Variants in PPFIA2 observed in about 807,000 individuals in gnomAD.
The protein encoded by PPFIA2 is PPFI scaffold protein A2.
A neutral mutation model predicts 175.5 loss-of-function variants in PPFIA2; 46 were observed. That is an observed-to-expected ratio of 0.26 (90% CI 0.21 to 0.34). The LOEUF is 0.34. Among genes scored for constraint, PPFIA2 ranks in the 10% least tolerant of loss-of-function variants. PPFIA2 has a pLI of 1.00. For missense variants in PPFIA2, 1,179 were observed against 1,506.1 expected (o/e 0.78, Z 3.60); for synonymous variants, 568 against 511.4 (o/e 1.11, Z -1.49).
intron 7 of PPFIA2, among the ~76,000 whole-genome samples, chr12:81,428,199 C>A (rs546407513): frequency 6.6e-6 from 1 of 151,912 alleles, no homozygotes; most frequent in South Asian, 2.1e-4. Context: ...CCACATGCAA[C>A]AATAGAACTA....
chr12:81,624,951 C>T (rs1321079050), intron 4 of PPFIA2, among the ~76,000 whole-genome samples: 1 of 151,542 alleles, frequency 6.6e-6, no homozygotes, highest in African/African-American at 2.4e-5. Flanking sequence ...TAACAAAAAT[C>T]CACTTGCACC....
At chr12:81,334,204 T>A (rs1376688929) in intron 21 of PPFIA2, among the ~76,000 whole-genome samples, 1 of 152,210 alleles carries the variant, frequency 6.6e-6, no homozygotes, top group Admixed American at 6.6e-5. Context: ...ATCTTAGGGT[T>A]CATAGCCACT....
chr12:81,512,662 T>C (rs1260797545), intron 4 of PPFIA2, among the ~76,000 whole-genome samples: 1 of 151,998 alleles, frequency 6.6e-6, no homozygotes. Context: ...GTATACTCAA[T>C]ATGTAGTCTT....
At chr12:81,536,094 T>A (rs1594649355) in intron 4 of PPFIA2, among the ~76,000 whole-genome samples, 1 of 151,764 alleles carries the variant, frequency 6.6e-6, no homozygotes, top group South Asian at 2.1e-4. Flanking sequence ...GTTATAAATA[T>A]AGTCAGCATC....
chr12:81,485,198 A>C (rs1342515671), intron 4 of PPFIA2, among the ~76,000 whole-genome samples: 1 of 151,852 alleles, frequency 6.6e-6, no homozygotes, highest in African/African-American at 2.4e-5. Flanking sequence ...ACTTCCATAA[A>C]TGTGAACCCA....
chr12:81,752,047 G>T (rs1394507130), intron 3 of PPFIA2, among the ~76,000 whole-genome samples: 1 of 152,184 alleles, frequency 6.6e-6, no homozygotes, highest in Non-Finnish European at 1.5e-5. Flanking sequence ...AGGGATTCAT[G>T]CAGTCTTACA....
chr12:81,559,274 A>G (rs562996241), intron 4 of PPFIA2, among the ~76,000 whole-genome samples: 1 of 152,328 alleles, frequency 6.6e-6, no homozygotes, highest in African/African-American at 2.4e-5. Flanking sequence ...GTGTGGTAGA[A>G]ACAGCGTGTG....
intron 24 of PPFIA2, among the ~76,000 whole-genome samples, chr12:81,289,711 T>C (rs1002476603): frequency 2.0e-5 from 3 of 151,874 alleles, no homozygotes; most frequent in African/African-American, 7.2e-5. Context: ...AAAAGGATAA[T>C]GTGGAACTCC....
chr12:81,526,383 G>A (rs1311308317), intron 4 of PPFIA2, among the ~76,000 whole-genome samples: 2 of 152,238 alleles, frequency 1.3e-5, no homozygotes, highest in East Asian at 3.9e-4. Context: ...TGAAGAGCAG[G>A]GAAACACAAT....
intron 3 of PPFIA2, among the ~76,000 whole-genome samples, chr12:81,734,073 C>A (rs1468936992): frequency 1.3e-5 from 2 of 151,792 alleles, no homozygotes; most frequent in African/African-American, 4.8e-5. Flanking sequence ...GCACCTGTCC[C>A]AGATAATCAT....
intron 4 of PPFIA2, among the ~76,000 whole-genome samples, chr12:81,625,780 A>G (rs1044464971): frequency 2.0e-5 from 3 of 149,740 alleles, no homozygotes; most frequent in African/African-American, 7.3e-5. Flanking sequence ...ACATTATTAT[A>G]ATTTCCTGAT....
chr12:81,642,677 A>G (rs1264245628), intron 4 of PPFIA2, among the ~76,000 whole-genome samples: 1 of 108,158 alleles, frequency 9.2e-6, no homozygotes, highest in Non-Finnish European at 2.1e-5. Flanking sequence ...ACATACATGT[A>G]TGTATCTATT....
At chr12:81,679,582 G>T (rs1470741658) in intron 3 of PPFIA2, among the ~76,000 whole-genome samples, 1 of 151,822 alleles carries the variant, frequency 6.6e-6, no homozygotes, top group African/African-American at 2.4e-5. Flanking sequence ...AATGAAAAGG[G>T]CAATAAATTT....
chr12:81,368,885 C>A (rs1402132705), intron 12 of PPFIA2, 29 bp from the exon 13 acceptor site: 2 of 1,590,076 alleles, frequency 1.3e-6, no homozygotes, highest in African/African-American at 2.7e-5. Context: ...ACATAAAAAT[C>A]CATTCAAAAA....
intron 3 of PPFIA2, among the ~76,000 whole-genome samples, chr12:81,732,977 G>T (rs1254384340): frequency 6.6e-6 from 1 of 151,524 alleles, no homozygotes; most frequent in African/African-American, 2.4e-5. Flanking sequence ...TATAAACTGT[G>T]TTGAAAATTA....
At chr12:81,698,863 T>C (rs756305692) in intron 3 of PPFIA2, among the ~76,000 whole-genome samples, 1 of 152,110 alleles carries the variant, frequency 6.6e-6, no homozygotes, top group Non-Finnish European at 1.5e-5. Context: ...GTAGACTGTA[T>C]ATGAGTTATC....
chr12:81,611,551 G>A (rs1018407124), intron 4 of PPFIA2, among the ~76,000 whole-genome samples: 10 of 152,140 alleles, frequency 6.6e-5, no homozygotes, highest in Admixed American at 3.9e-4. Context: ...TGGAGGCTGT[G>A]GGGTGCACCC....
intron 4 of PPFIA2, among the ~76,000 whole-genome samples, chr12:81,668,486 C>A (rs1052352087): frequency 2.6e-5 from 4 of 152,088 alleles, no homozygotes; most frequent in Non-Finnish European, 5.9e-5. Flanking sequence ...TACCTTACAT[C>A]TAACCCATGG....
chr12:81,577,265 T>G (rs1237554581), intron 4 of PPFIA2, among the ~76,000 whole-genome samples: 1 of 151,908 alleles, frequency 6.6e-6, no homozygotes, highest in African/African-American at 2.4e-5. Flanking sequence ...ATTTCACTTT[T>G]AAGAAGAGCT....
Sources: allele counts gnomAD v4.1 joint callset (sites outside exome capture counted in the v4.1 genomes callset), GRCh38; gene constraint gnomAD v4.1.1; transcripts MANE v1.5; gene names NCBI Gene and HGNC (gene_info 2026-07-23, HGNC 2026-07-21).